DLGAP1: variants seen among roughly 807,000 people sequenced by gnomAD.
DLGAP1 encodes disks large-associated protein 1.
DLGAP1 carries 11 observed loss-of-function variants against 90.8 expected under a neutral mutation model. That is an observed-to-expected ratio of 0.12 (90% CI 0.08 to 0.20). DLGAP1 has a LOEUF of 0.20. Ranked by LOEUF, DLGAP1 falls within the 10% of genes least tolerant of loss-of-function variation. The pLI is 1.00. For missense variants in DLGAP1, 1,050 were observed against 1,333.8 expected, an observed-to-expected ratio of 0.79 and a Z score of 3.31; for synonymous variants, 558 against 540.7, an observed-to-expected ratio of 1.03 and a Z score of -0.44.
At chr18:4,321,044 A>C (rs2080674560) in intron 1 of DLGAP1, among the ~76,000 whole-genome samples, 1 of 152,174 alleles carries the variant, frequency 6.6e-6, no homozygotes, top group African/African-American at 2.4e-5. Flanking sequence ...TAAAAGAAAA[A>C]TATTTTGAAA....
At chr18:4,113,066 G>A (rs2076001859) in intron 2 of DLGAP1, among the ~76,000 whole-genome samples, 1 of 114,924 alleles carries the variant, frequency 8.7e-6, no homozygotes, top group Non-Finnish European at 1.8e-5. Flanking sequence ...GTGTTGTGAT[G>A]AACATATGAA....
At chr18:4,029,480 C>T (rs957388486) in intron 2 of DLGAP1, among the ~76,000 whole-genome samples, 1 of 152,166 alleles carries the variant, frequency 6.6e-6, no homozygotes, top group African/African-American at 2.4e-5. Flanking sequence ...CTTTCCTCCA[C>T]ATCCATCTAA....
At chr18:4,158,578 T>A (rs1181092110) in intron 1 of DLGAP1, among the ~76,000 whole-genome samples, 6 of 152,206 alleles carry the variant, frequency 3.9e-5, no homozygotes, top group African/African-American at 1.2e-4. Context: ...CTAGTACAAC[T>A]GCAAACTGAA....
At chr18:4,111,087 C>T (rs1416708949) in intron 2 of DLGAP1, among the ~76,000 whole-genome samples, 4 of 152,112 alleles carry the variant, frequency 2.6e-5, no homozygotes, top group African/African-American at 9.7e-5. Flanking sequence ...AGGAAGCTGC[C>T]TTCCATTCCC....
chr18:3,885,155 A>G (rs1272175217), intron 3 of DLGAP1, among the ~76,000 whole-genome samples: 1 of 152,158 alleles, frequency 6.6e-6, no homozygotes, highest in Non-Finnish European at 1.5e-5. Flanking sequence ...TCCTTCTCTC[A>G]TTCTTCATTT....
intron 7 of DLGAP1, among the ~76,000 whole-genome samples, chr18:3,657,044 CT>C (rs2059518196): frequency 6.6e-6 from 1 of 152,174 alleles, no homozygotes; most frequent in Admixed American, 6.5e-5. Flanking sequence ...CCACATTTGG[CT>C]TTTCGGTGAA....
chr18:4,144,370 T>C (rs1179052652), intron 2 of DLGAP1, among the ~76,000 whole-genome samples: 4 of 152,170 alleles, frequency 2.6e-5, no homozygotes, highest in African/African-American at 9.7e-5. Context: ...CCCACATTGC[T>C]TTCCACTGTG....
At chr18:4,083,525 C>T (rs1315231497) in intron 2 of DLGAP1, among the ~76,000 whole-genome samples, 2 of 152,152 alleles carry the variant, frequency 1.3e-5, no homozygotes, top group African/African-American at 4.8e-5. Context: ...TATCTATCAA[C>T]TCTCTAATTG....
chr18:3,978,059 G>T, intron 3 of DLGAP1: 1 of 379,946 alleles, frequency 2.6e-6, no homozygotes, highest in African/African-American at 2.1e-5. Flanking sequence ...GTTTCTTGGA[G>T]GGGCCATCCA....
intron 1 of DLGAP1, among the ~76,000 whole-genome samples, chr18:4,175,036 C>A (rs889923563): frequency 6.6e-6 from 1 of 152,140 alleles, no homozygotes; most frequent in African/African-American, 2.4e-5. Context: ...TACTTTCTCA[C>A]CAACAGTGTA....
intron 9 of DLGAP1, among the ~76,000 whole-genome samples, chr18:3,563,104 G>A (rs1454240716): frequency 6.6e-6 from 1 of 152,136 alleles, no homozygotes; most frequent in African/African-American, 2.4e-5. Context: ...AGGGATTACA[G>A]ATGTGAGCCA....
intron 2 of DLGAP1, among the ~76,000 whole-genome samples, chr18:4,144,377 T>C (rs1182690229): frequency 6.6e-6 from 1 of 152,170 alleles, no homozygotes; most frequent in African/African-American, 2.4e-5. Flanking sequence ...TGCTTTCCAC[T>C]GTGAGAGGGC....
intron 1 of DLGAP1, among the ~76,000 whole-genome samples, chr18:4,261,630 T>C (rs2079004795): frequency 6.6e-6 from 1 of 152,180 alleles, no homozygotes; most frequent in Admixed American, 6.5e-5. Flanking sequence ...TAGCATCTTA[T>C]ACATATATAT....
chr18:3,780,037 C>T (rs1252185142), intron 5 of DLGAP1, among the ~76,000 whole-genome samples: 1 of 152,122 alleles, frequency 6.6e-6, no homozygotes, highest in African/African-American at 2.4e-5. Flanking sequence ...ATCTACCTGC[C>T]TAGGCCTCCC....
At chr18:4,444,314 C>T (rs1454049058) in intron 1 of DLGAP1, among the ~76,000 whole-genome samples, 4 of 152,180 alleles carry the variant, frequency 2.6e-5, no homozygotes, top group Non-Finnish European at 1.5e-5. Flanking sequence ...GCTATAGATG[C>T]ACTGAATTGT....
intron 1 of DLGAP1, among the ~76,000 whole-genome samples, chr18:4,317,897 G>A (rs1436387791): frequency 2.0e-5 from 3 of 152,218 alleles, no homozygotes; most frequent in African/African-American, 7.2e-5. Context: ...GCCAGAATGT[G>A]AGTGCAGTGG....
intron 1 of DLGAP1, among the ~76,000 whole-genome samples, chr18:4,427,060 T>A (rs1369884914): frequency 6.6e-6 from 1 of 152,222 alleles, no homozygotes; most frequent in African/African-American, 2.4e-5. Flanking sequence ...TTGTTTGGTG[T>A]GATATATGAA....
At chr18:3,904,722 T>C (rs1475530007) in intron 3 of DLGAP1, among the ~76,000 whole-genome samples, 2 of 152,184 alleles carry the variant, frequency 1.3e-5, no homozygotes, top group Non-Finnish European at 2.9e-5. Context: ...GATTAAATAT[T>C]TTATTTTTAT....
chr18:4,330,328 A>T (rs1369723786), intron 1 of DLGAP1, among the ~76,000 whole-genome samples: 1 of 151,050 alleles, frequency 6.6e-6, no homozygotes, highest in Non-Finnish European at 1.5e-5. Flanking sequence ...TTTTCTTTAA[A>T]TTTATTTTTT....
Sources: gnomAD v4.1 joint callset for allele counts (sites outside exome capture counted in the v4.1 genomes callset) on GRCh38, gnomAD v4.1.1 for gene constraint, MANE v1.5 for transcripts, NCBI Gene and HGNC (gene_info 2026-07-23, HGNC 2026-07-21) for gene names.